Variants in TMSB15B observed in about 807,000 individuals in gnomAD.
The protein encoded by TMSB15B is thymosin beta-15B.
intron 1 of TMSB15B, among the ~76,000 whole-genome samples, chrX:103,945,966 A>G (rs1194811437): frequency 3.6e-5 from 4 of 112,601 alleles, no homozygotes; most frequent in African/African-American, 1.3e-4. Flanking sequence ...TTTTATAAAA[A>G]TCAGAAAGTG....
At chrX:103,939,170 C>T (rs185534600) in intron 1 of TMSB15B, among the ~76,000 whole-genome samples, 9 of 110,945 alleles carry the variant, frequency 8.1e-5, no homozygotes, top group Admixed American at 5.8e-4. Context: ...TTGTGGTGTT[C>T]TTTCTATTTC....
At chrX:103,945,376 C>T (rs1429191988) in intron 1 of TMSB15B, among the ~76,000 whole-genome samples, 1 of 111,711 alleles carries the variant, frequency 9.0e-6, no homozygotes, top group Admixed American at 9.5e-5. Flanking sequence ...CAAAACATGG[C>T]AGAGAAATGG....
intron 1 of TMSB15B, among the ~76,000 whole-genome samples, chrX:103,949,451 A>G (rs1473569821): frequency 1.8e-5 from 2 of 112,040 alleles, no homozygotes; most frequent in African/African-American, 6.5e-5. Flanking sequence ...ACGTGTACCA[A>G]TGGAGATGGT....
intron 1 of TMSB15B, among the ~76,000 whole-genome samples, chrX:103,935,392 C>T (rs1569448325): frequency 9.0e-6 from 1 of 111,674 alleles, no homozygotes; most frequent in African/African-American, 3.3e-5. Flanking sequence ...TTGCTTTTTG[C>T]ATTTTAGTCA....
At chrX:103,919,781 A>T (rs782738779) in intron 1 of TMSB15B, among the ~76,000 whole-genome samples, 3 of 112,649 alleles carry the variant, frequency 2.7e-5, no homozygotes, top group Non-Finnish European at 5.6e-5. Flanking sequence ...AGCCAAAGAC[A>T]GAGAGGTTAA....
chrX:103,955,591 GA>G (rs1319535742), intron 1 of TMSB15B, among the ~76,000 whole-genome samples: 1 of 110,464 alleles, frequency 9.1e-6, no homozygotes, highest in African/African-American at 3.3e-5. Context: ...TAAGAATATA[GA>G]AAAAAAGAAT....
At chrX:103,924,471 C>G (rs1556318451) in intron 1 of TMSB15B, among the ~76,000 whole-genome samples, 2 of 111,778 alleles carry the variant, frequency 1.8e-5, no homozygotes, top group African/African-American at 3.3e-5. Flanking sequence ...ATAAATTGCT[C>G]TTGTCTTTTT....
chrX:103,928,910 G>C, intron 1 of TMSB15B: 1 of 1,206,911 alleles, frequency 8.3e-7, no homozygotes, highest in Non-Finnish European at 1.1e-6. Flanking sequence ...ATCTACCGTG[G>C]AGGCTCCCTG....
chrX:103,923,904 G>C (rs1556318313), intron 1 of TMSB15B, among the ~76,000 whole-genome samples: 1 of 111,196 alleles, frequency 9.0e-6, no homozygotes, highest in Non-Finnish European at 1.9e-5. Flanking sequence ...AATTCTCCTT[G>C]AAGAGGTCCT....
At chrX:103,948,964 G>A (rs2075032351) in intron 1 of TMSB15B, among the ~76,000 whole-genome samples, 2 of 111,893 alleles carry the variant, frequency 1.8e-5, no homozygotes, top group South Asian at 7.6e-4. Flanking sequence ...AACAGGGTGG[G>A]CAGTTTGCAG....
intron 1 of TMSB15B, among the ~76,000 whole-genome samples, chrX:103,922,660 T>C (rs1556318032): frequency 1.8e-5 from 2 of 111,582 alleles, no homozygotes; most frequent in African/African-American, 6.5e-5. Context: ...AGTGCTGCAA[T>C]AAACATGCAT....
intron 1 of TMSB15B, among the ~76,000 whole-genome samples, chrX:103,955,031 G>A (rs2075047927): frequency 9.0e-6 from 1 of 111,353 alleles, no homozygotes; most frequent in Non-Finnish European, 1.9e-5. Flanking sequence ...CCAGGGGTTG[G>A]GAGCTGAACA....
At chrX:103,921,927 G>A (rs2074954200) in intron 1 of TMSB15B, among the ~76,000 whole-genome samples, 1 of 111,872 alleles carries the variant, frequency 8.9e-6, no homozygotes, top group South Asian at 3.7e-4. Flanking sequence ...GGCCAGGGAT[G>A]TCAAACTCCA....
chrX:103,935,022 T>C (rs1408709080), intron 1 of TMSB15B, among the ~76,000 whole-genome samples: 4 of 112,364 alleles, frequency 3.6e-5, no homozygotes, highest in South Asian at 7.4e-4. Flanking sequence ...GACTTTTTAA[T>C]GTTCGCCACT....
chrX:103,921,374 C>T (rs1308280359), intron 1 of TMSB15B, among the ~76,000 whole-genome samples: 2 of 112,203 alleles, frequency 1.8e-5, no homozygotes, highest in Non-Finnish European at 3.8e-5. Flanking sequence ...GACTCTTGTT[C>T]AGTGTTTAAA....
intron 1 of TMSB15B, among the ~76,000 whole-genome samples, chrX:103,951,706 G>A (rs782312575): frequency 9.0e-6 from 1 of 111,350 alleles, no homozygotes; most frequent in African/African-American, 3.3e-5. Context: ...CAGGATAGTG[G>A]AGGGTATATG....
chrX:103,923,269 T>G (rs782239444), intron 1 of TMSB15B, among the ~76,000 whole-genome samples: 11 of 112,298 alleles, frequency 9.8e-5, no homozygotes, highest in African/African-American at 3.2e-4. Flanking sequence ...AGACATGAAG[T>G]CCTTGCCCAT....
At chrX:103,936,083 T>C (rs1479201251) in intron 1 of TMSB15B, among the ~76,000 whole-genome samples, 18 of 110,839 alleles carry the variant, frequency 1.6e-4, no homozygotes, top group Non-Finnish European at 2.8e-4. Flanking sequence ...CCACCTCAGG[T>C]AATCCACCTG....
intron 1 of TMSB15B, among the ~76,000 whole-genome samples, chrX:103,948,975 C>T (rs1301827174): frequency 9.0e-6 from 1 of 111,691 alleles, no homozygotes; most frequent in African/African-American, 3.3e-5. Context: ...CAGTTTGCAG[C>T]ATTAAGTAGG....
Sources: allele counts gnomAD v4.1 joint callset (sites outside exome capture counted in the v4.1 genomes callset), GRCh38; gene constraint gnomAD v4.1.1; transcripts MANE v1.5; gene names NCBI Gene and HGNC (gene_info 2026-07-23, HGNC 2026-07-21).